SNTB2: variants seen among roughly 807,000 people sequenced by gnomAD.
SNTB2 encodes the protein syntrophin beta 2.
Under a neutral mutation model 46.2 loss-of-function variants are expected in SNTB2, and 34 were observed. The observed-to-expected ratio is 0.74, with a 90% CI of 0.56 to 0.98. The LOEUF (loss-of-function observed/expected upper bound fraction) is 0.98, where lower values mean the gene tolerates loss of function less well. Among genes scored for constraint, SNTB2 ranks in the 50% least tolerant of loss-of-function variants. The pLI is 0.00. For synonymous variants in SNTB2, 290 were observed against 312.6 expected, an observed-to-expected ratio of 0.93 and a Z score of 0.76; for missense variants, 603 against 731.4, an observed-to-expected ratio of 0.82 and a Z score of 2.02.
At chr16:69,271,455 A>G (rs1036476363) in intron 4 of SNTB2, among the ~76,000 whole-genome samples, 5 of 152,206 alleles carry the variant, frequency 3.3e-5, no homozygotes, top group African/African-American at 1.2e-4. Context: ...CCTTGCAGTC[A>G]AGAACTCTGA....
At chr16:69,193,298 A>G (rs1964071893) in intron 1 of SNTB2, among the ~76,000 whole-genome samples, 2 of 148,992 alleles carry the variant, frequency 1.3e-5, no homozygotes, top group Non-Finnish European at 1.5e-5. Context: ...TTTCATTGAA[A>G]GAGACTCAGA....
intron 1 of SNTB2, among the ~76,000 whole-genome samples, chr16:69,200,718 A>G (rs1964153044): frequency 6.6e-6 from 1 of 152,028 alleles, no homozygotes; most frequent in African/African-American, 2.4e-5. Context: ...TCTTGCTACA[A>G]TGTCCAGGCT....
At chr16:69,266,456 G>A (rs961419628) in intron 3 of SNTB2, among the ~76,000 whole-genome samples, 1 of 151,692 alleles carries the variant, frequency 6.6e-6, no homozygotes, top group Non-Finnish European at 1.5e-5. Flanking sequence ...TTTTCCAATG[G>A]TAAGTAGAAG....
intron 5 of SNTB2, among the ~76,000 whole-genome samples, chr16:69,294,546 A>G (rs1375275346): frequency 6.6e-6 from 1 of 151,682 alleles, no homozygotes; most frequent in Non-Finnish European, 1.5e-5. Flanking sequence ...CAATATGGCA[A>G]AACCCTATCT....
At chr16:69,264,959 A>G (rs1220093345) in intron 3 of SNTB2, among the ~76,000 whole-genome samples, 1 of 152,224 alleles carries the variant, frequency 6.6e-6, no homozygotes, top group Non-Finnish European at 1.5e-5. Context: ...GATTAAAATT[A>G]CATCTATTGG....
chr16:69,271,691 CTCT>C (rs1210703763), intron 4 of SNTB2, among the ~76,000 whole-genome samples: 2 of 152,098 alleles, frequency 1.3e-5, no homozygotes, highest in Non-Finnish European at 2.9e-5. Context: ...CTGTGGAGAT[CTCT>C]TAAGTTTAAA....
rs559537112 is a variant in SNTB2, at chr16:69,236,079, G to A, written c.581-9523G>A. On this transcript the variant is annotated intron_variant, in intron 1 of 6. Transcript: ENST00000336278. Reference sequence around the variant, plus strand: ...AAATAAGGACACAGGAAAAGTCAGAGTATACCTTTCTGCAAGTAGTTTACT... The same window carrying A: ...AAATAAGGACACAGGAAAAGTCAGAATATACCTTTCTGCAAGTAGTTTACT... Among the ~76,000 whole-genome samples, 4 of 152,316 alleles carry A rather than the reference G, an allele frequency of 2.6e-5. No homozygotes were observed. The South Asian group carries it at 8.3e-4, about 32-fold the overall frequency.
chr16:69,289,951 C>T (rs1003600959), intron 5 of SNTB2, among the ~76,000 whole-genome samples: 1 of 152,100 alleles, frequency 6.6e-6, no homozygotes, highest in African/African-American at 2.4e-5. Flanking sequence ...TTGGGAGATT[C>T]AGAACTGTCT....
chr16:69,231,732 T>G (rs753311843), intron 1 of SNTB2, among the ~76,000 whole-genome samples: 4 of 152,176 alleles, frequency 2.6e-5, no homozygotes, highest in Non-Finnish European at 4.4e-5. Context: ...ATAAAGAATT[T>G]TAAACAAACA....
At chr16:69,200,420 A>T (rs113242038) in intron 1 of SNTB2, among the ~76,000 whole-genome samples, 4,001 of 152,336 alleles carry the variant, frequency 0.026, 60 homozygotes, top group African/African-American at 0.036. Flanking sequence ...GGTGGAATAC[A>T]CATCAGATTA....
chr16:69,266,341 G>T (rs1368468799), intron 3 of SNTB2, among the ~76,000 whole-genome samples: 3 of 152,114 alleles, frequency 2.0e-5, no homozygotes, highest in Non-Finnish European at 4.4e-5. Flanking sequence ...TCCAGCCTGG[G>T]CAACAGAGTG....
At position 69,303,824 on chromosome 16, in the gene SNTB2, A is replaced by G. The variant is rs935290968; in HGVS notation, c.*2900A>G. The G allele has an allele frequency of 1.3e-5, 2 of 152,664 alleles. No individual in the cohort carries two copies. The highest frequency in any genetic ancestry group is 4.8e-5 in the African/African-American group (2 of 41,458). 9.5% of individuals were successfully genotyped at this position (152,664 alleles called of 1,614,324 possible). A position where few individuals can be genotyped will look rare whatever the true frequency, so the allele number is the denominator to read the frequency against. On this transcript the variant is annotated 3_prime_UTR_variant, in exon 7 of 7. Transcript: ENST00000336278. ...AAATTATTTCCAAATGATAACTACA[A>G]ATGGGAATTTTCGATATTCTACCTT...
At chr16:69,275,553 C>T (rs562045957) in intron 4 of SNTB2, among the ~76,000 whole-genome samples, 2 of 152,320 alleles carry the variant, frequency 1.3e-5, no homozygotes, top group Admixed American at 6.5e-5. Flanking sequence ...TAATGATCCT[C>T]TACCAACCAG....
At chr16:69,212,698 G>C (rs147486313) in intron 1 of SNTB2, among the ~76,000 whole-genome samples, 3 of 151,106 alleles carry the variant, frequency 2.0e-5, no homozygotes, top group Non-Finnish European at 4.4e-5. Flanking sequence ...GCAATGGCAC[G>C]ATCTTGGCTC....
intron 1 of SNTB2, 28 bp from the exon 2 acceptor site, chr16:69,245,574 C>A: frequency 6.2e-7 from 1 of 1,603,098 alleles, no homozygotes; most frequent in Non-Finnish European, 8.5e-7. Context: ...AAATTACTAA[C>A]CTTCTTCTTT....
In SNTB2 at chr16:69,284,222, G is replaced by A. The variant is rs748365759; in HGVS notation, c.1323G>A (p.Glu441=). 11 of 1,612,626 alleles carry A rather than the reference G, an allele frequency of 6.8e-6. No individual in the cohort carries two copies. Among genetic ancestry groups the A allele is most frequent in the Non-Finnish European group, 3.4e-6 (4 of 1,179,440 alleles). ...ILVQGCHAAA[E]LIKEVSLGCM... Reference sequence around the variant, plus strand: ...TTCAGGGTTGCCATGCTGCTGCTGAGCTGATCAAGGAAGTCTCTCTAGGTA... The same window carrying A: ...TTCAGGGTTGCCATGCTGCTGCTGAACTGATCAAGGAAGTCTCTCTAGGTA... The change falls in exon 5 of 7, where the codon GAG becomes GAA. Residue 441 remains glutamate (E), a synonymous_variant. Transcript: ENST00000336278.
intron 2 of SNTB2, among the ~76,000 whole-genome samples, chr16:69,247,917 A>C (rs184224903): frequency 3.5e-4 from 53 of 152,054 alleles, no homozygotes; most frequent in Non-Finnish European, 5.1e-4. Flanking sequence ...CAGAAGTTTA[A>C]GACCAACTTG....
chr16:69,270,021 G>A, intron 3 of SNTB2, 122 bp from the exon 4 acceptor site: 1 of 1,080,552 alleles, frequency 9.3e-7, no homozygotes, highest in Non-Finnish European at 1.4e-6. Flanking sequence ...TTTCCTGAAT[G>A]TAAAGTCCAT....
At chr16:69,292,282 C>T (rs533900119) in intron 5 of SNTB2, among the ~76,000 whole-genome samples, 1 of 144,484 alleles carries the variant, frequency 6.9e-6, no homozygotes, top group East Asian at 2.0e-4. Context: ...ATAACATATA[C>T]ACTGGTTGTA....
Sources: gnomAD v4.1 joint callset for allele counts (sites outside exome capture counted in the v4.1 genomes callset) on GRCh38, gnomAD v4.1.1 for gene constraint, MANE v1.5 for transcripts, NCBI Gene and HGNC (gene_info 2026-07-23, HGNC 2026-07-21) for gene names.